MTREX: variants seen among roughly 807,000 people sequenced by gnomAD.
The protein encoded by MTREX is exosome RNA helicase MTR4.
In MTREX, 76 loss-of-function variants were observed where a neutral mutation model predicts 135.4. That is an observed-to-expected ratio of 0.56 (90% CI 0.47 to 0.68). The LOEUF (loss-of-function observed/expected upper bound fraction) is 0.68. Ranked by LOEUF, MTREX falls within the 30% of genes least tolerant of loss-of-function variation. The pLI is 0.00. For synonymous variants in MTREX, 404 were observed against 401.6 expected (o/e 1.01, Z -0.07); for missense variants, 920 against 1,262.1 (o/e 0.73, Z 4.11).
intron 18 of MTREX, among the ~76,000 whole-genome samples, chr5:55,379,573 GACACACACACACACACACACAC>G (rs60169736): frequency 7.0e-6 from 1 of 143,806 alleles, no homozygotes; most frequent in African/African-American, 2.6e-5. Context: ...AAATCTCCCT[GACACACACACACACACACACAC>G]ACACACACAC....
chr5:55,308,539 A>C (rs908956856), intron 1 of MTREX, among the ~76,000 whole-genome samples: 1 of 152,134 alleles, frequency 6.6e-6, no homozygotes, highest in African/African-American at 2.4e-5. Context: ...GAAAGGGCAG[A>C]TAATAACATG....
intron 15 of MTREX, among the ~76,000 whole-genome samples, chr5:55,360,818 A>G (rs1031881251): frequency 6.6e-6 from 1 of 152,178 alleles, no homozygotes; most frequent in Non-Finnish European, 1.5e-5. Flanking sequence ...AGGAATTTAT[A>G]AGTAACTTAT....
chr5:55,347,150 A>C lies in MTREX; in HGVS notation c.1240+6A>C. On this transcript the variant is annotated splice_donor_region_variant and intron_variant, in intron 11 of 26. Coordinates refer to ENST00000230640, the MANE Select transcript of MTREX (RefSeq NM_015360.5). ...CAAATTAGATTTCAACACAGGTACT[A>C]CATCATTTCAGTATCATTTTAATGT... The C allele has an allele frequency of 6.3e-7, 1 of 1,588,918 alleles. No homozygotes were observed. Among genetic ancestry groups the C allele is most frequent in the South Asian group, 1.2e-5 (1 of 85,868 alleles).
chr5:55,424,564 G>A (rs538967710), intron 26 of MTREX, 156 bp from the exon 27 acceptor site: 6 of 589,096 alleles, frequency 1.0e-5, no homozygotes, highest in African/African-American at 9.3e-5. Flanking sequence ...AGAGGTGGCT[G>A]CAAATTCCTC....
In MTREX at chr5:55,424,948, A is replaced by G; in HGVS notation, c.*176A>G. 1.6e-6 allele frequency: 1 copy of G among 638,072 alleles called. No homozygotes were observed. The highest frequency in any genetic ancestry group is 2.3e-5 in the South Asian group (1 of 44,180). 39.5% of individuals were successfully genotyped at this position (638,072 alleles called of 1,614,324 possible). On this transcript the variant is annotated 3_prime_UTR_variant, in exon 27 of 27. Coordinates refer to ENST00000230640, the MANE Select transcript of MTREX (RefSeq NM_015360.5). ...ATACATGTTTATACATAAGCATTAC[A>G]TTTTTTTAATAAAAATGTATACAGG...
chr5:55,421,668 A>G (rs533264142), intron 25 of MTREX, among the ~76,000 whole-genome samples: 53 of 152,310 alleles, frequency 3.5e-4, no homozygotes, highest in African/African-American at 1.2e-3. Context: ...CTTGGTACAC[A>G]TTTGAAGTCA....
intron 18 of MTREX, among the ~76,000 whole-genome samples, chr5:55,384,366 C>T (rs1226949145): frequency 6.6e-6 from 1 of 152,084 alleles, no homozygotes; most frequent in African/African-American, 2.4e-5. Context: ...TCTTTTTGTA[C>T]TTTCTGTTTC....
At chr5:55,332,345 G>A (rs1749491852) in intron 5 of MTREX, among the ~76,000 whole-genome samples, 1 of 152,124 alleles carries the variant, frequency 6.6e-6, no homozygotes, top group African/African-American at 2.4e-5. Context: ...TTGAGTAGCT[G>A]AATTAGGTAC....
intron 5 of MTREX, among the ~76,000 whole-genome samples, chr5:55,335,504 G>T (rs543372968): frequency 1.3e-5 from 2 of 152,086 alleles, no homozygotes; most frequent in Admixed American, 1.3e-4. Context: ...TGAGGAAAGG[G>T]TCTAAATTTA....
At chr5:55,398,552 T>C (rs901995372) in intron 20 of MTREX, among the ~76,000 whole-genome samples, 1 of 152,362 alleles carries the variant, frequency 6.6e-6, no homozygotes, top group African/African-American at 2.4e-5. Context: ...TATAAGTTCA[T>C]TGAAATTGTT....
intron 12 of MTREX, among the ~76,000 whole-genome samples, chr5:55,350,709 C>G (rs1749813959): frequency 6.6e-6 from 1 of 152,152 alleles, no homozygotes; most frequent in African/African-American, 2.4e-5. Context: ...AGTATACTTA[C>G]TATATGCCTT....
At chr5:55,368,120 C>T (rs1750133750) in intron 16 of MTREX, among the ~76,000 whole-genome samples, 1 of 152,142 alleles carries the variant, frequency 6.6e-6, no homozygotes, top group Non-Finnish European at 1.5e-5. Context: ...TTATTAAATG[C>T]TTTGTATTTA....
At chr5:55,308,228 C>T (rs1003044409) in intron 1 of MTREX, 81 bp downstream of exon 1, 5 of 1,449,948 alleles carry the variant, frequency 3.4e-6, no homozygotes, top group Admixed American at 2.5e-5. Context: ...AGGAAGAGCA[C>T]GAGAAAGTGA....
At chr5:55,356,547 A>G in intron 14 of MTREX, 1 of 201,516 alleles carries the variant, frequency 5.0e-6, no homozygotes, top group South Asian at 9.7e-5. Context: ...CAGTGTAGTC[A>G]TATGAGCTCC....
Position 55,358,553 on chromosome 5 carries a change from T to C in MTREX, c.1534-20T>C. ...ACCAGTTTTTTTCCTAAACTCTGAA[T>C]TTTAACTATGTTCATTCAGATTTCT... On this transcript the variant is annotated intron_variant, in intron 14 of 26. Coordinates refer to ENST00000230640, the MANE Select transcript of MTREX (RefSeq NM_015360.5). 1.3e-6 allele frequency: 2 copies of C among 1,572,306 alleles called. No individual in the cohort carries two copies. Among genetic ancestry groups the C allele is most frequent in the South Asian group, 1.2e-5 (1 of 81,378 alleles).
In MTREX at chr5:55,358,686, A is replaced by G. The variant is rs150894084; in HGVS notation, c.1647A>G (p.Lys549=). Residue 549 remains lysine, a synonymous_variant, in exon 15 of 27, where the codon AAA becomes AAG. Coordinates refer to ENST00000230640, the MANE Select transcript of MTREX (RefSeq NM_015360.5). ...AAAAGATGAGCCCAACAATTGGAAA[A>G]CAATTACTTAAGGTAACTACATTAA... ...VDEKMSPTIG[K]QLLKGSADPL... 8 of 1,594,802 alleles carry G rather than the reference A, an allele frequency of 5.0e-6. No homozygotes were observed. The African/African-American group carries it at 1.1e-4, about 22-fold the overall frequency.
chr5:55,415,058 G>T (rs945209524), intron 24 of MTREX, among the ~76,000 whole-genome samples: 1 of 152,044 alleles, frequency 6.6e-6, no homozygotes, highest in African/African-American at 2.4e-5. Flanking sequence ...CATAGGATAA[G>T]CCGATTTTTT....
At chr5:55,396,688 A>T (rs542529946) in intron 19 of MTREX, among the ~76,000 whole-genome samples, 3 of 152,370 alleles carry the variant, frequency 2.0e-5, no homozygotes, top group Admixed American at 6.5e-5. Flanking sequence ...GACTGAGTTC[A>T]ATCACTGTAC....
At chr5:55,380,703 G>A (rs1045389152) in intron 18 of MTREX, among the ~76,000 whole-genome samples, 4 of 151,958 alleles carry the variant, frequency 2.6e-5, no homozygotes, top group African/African-American at 4.8e-5. Context: ...TTTTTATGCC[G>A]TATTCATAGG....
Sources: allele counts gnomAD v4.1 joint callset (sites outside exome capture counted in the v4.1 genomes callset), GRCh38; gene constraint gnomAD v4.1.1; transcripts MANE v1.5; gene names NCBI Gene and HGNC (gene_info 2026-07-23, HGNC 2026-07-21).